Variants in CNBD1 observed in about 807,000 individuals in gnomAD.
CNBD1 encodes the protein cyclic nucleotide binding domain containing 1.
In CNBD1, 71 loss-of-function variants were observed where a neutral mutation model predicts 54.4. The ratio of observed to expected loss-of-function variants is 1.30; its 90% CI spans 1.08 to 1.59. The LOEUF is 1.59. Among genes scored for constraint, CNBD1 ranks in the 40% most tolerant of loss-of-function variants. CNBD1 has a pLI of 0.00. For missense variants in CNBD1, 659 were observed against 518.0 expected (o/e 1.27, Z -2.64); for synonymous variants, 182 against 170.7 (o/e 1.07, Z -0.51).
At chr8:86,949,383 C>A (rs1807548976) in intron 4 of CNBD1, among the ~76,000 whole-genome samples, 1 of 152,150 alleles carries the variant, frequency 6.6e-6, no homozygotes, top group African/African-American at 2.4e-5. Context: ...AATACATGAA[C>A]ATGGAATATC....
intron 10 of CNBD1, among the ~76,000 whole-genome samples, chr8:87,370,475 C>T (rs2130947241): frequency 6.6e-6 from 1 of 152,098 alleles, no homozygotes; most frequent in East Asian, 1.9e-4. Context: ...CTCTGATGGC[C>T]AGTGATGGTG....
intron 5 of CNBD1, among the ~76,000 whole-genome samples, chr8:87,217,810 A>G (rs1238731719): frequency 6.6e-6 from 1 of 152,076 alleles, no homozygotes; most frequent in African/African-American, 2.4e-5. Context: ...TCATCTGGTT[A>G]TCCAGGGATA....
intron 3 of CNBD1, among the ~76,000 whole-genome samples, chr8:86,907,158 A>G (rs1278662553): frequency 6.6e-6 from 1 of 152,184 alleles, no homozygotes; most frequent in Non-Finnish European, 1.5e-5. Flanking sequence ...GGAAGACCAC[A>G]TTCATTTATT....
chr8:86,972,721 G>A (rs2130493673), intron 4 of CNBD1, among the ~76,000 whole-genome samples: 1 of 152,258 alleles, frequency 6.6e-6, no homozygotes, highest in Non-Finnish European at 1.5e-5. Context: ...CTAGTTTCTG[G>A]TTGGATTTAA....
downstream of CNBD1, among the ~76,000 whole-genome samples, chr8:87,386,345 A>C (rs1811187445): frequency 6.6e-6 from 1 of 152,136 alleles, no homozygotes; most frequent in Non-Finnish European, 1.5e-5. Context: ...AACCCATGGC[A>C]AAGAAGTTAA....
intron 4 of CNBD1, among the ~76,000 whole-genome samples, chr8:87,051,598 G>A (rs1462313735): frequency 6.6e-6 from 1 of 152,212 alleles, no homozygotes; most frequent in Non-Finnish European, 1.5e-5. Flanking sequence ...TTCCTTATGG[G>A]AAACAAAGGG....
intron 4 of CNBD1, among the ~76,000 whole-genome samples, chr8:87,073,110 C>A (rs891260474): frequency 6.6e-6 from 1 of 151,702 alleles, no homozygotes; most frequent in Non-Finnish European, 1.5e-5. Flanking sequence ...TATTCTGCTA[C>A]TGATACTTGT....
intron 8 of CNBD1, among the ~76,000 whole-genome samples, chr8:87,311,061 C>T (rs957594883): frequency 2.0e-5 from 3 of 151,940 alleles, no homozygotes; most frequent in Admixed American, 2.0e-4. Flanking sequence ...ATGGCTAAAT[C>T]CTCAAAAGCA....
rs1407122710 is a variant in CNBD1, at chr8:86,933,667, A to C, written c.273-5929A>C. Among the ~76,000 whole-genome samples, 5 of 152,200 alleles carry C rather than the reference A, an allele frequency of 3.3e-5. No homozygotes were observed. In the South Asian group the frequency reaches 6.2e-4, roughly 19 times the overall value. On this transcript the variant is annotated intron_variant, in intron 3 of 10. Coordinates refer to ENST00000518476, the MANE Select transcript of CNBD1 (RefSeq NM_173538.3). Reference sequence around the variant, plus strand: ...ATGTCACCTAGAGAAATAGTTGTACAGTAGCTGGTAAGGTTCCATTTTTAA... The same window carrying C: ...ATGTCACCTAGAGAAATAGTTGTACCGTAGCTGGTAAGGTTCCATTTTTAA...
At chr8:87,157,577 G>A (rs1032383027) in intron 4 of CNBD1, among the ~76,000 whole-genome samples, 2 of 152,130 alleles carry the variant, frequency 1.3e-5, no homozygotes, top group African/African-American at 4.8e-5. Context: ...AAGCTTGGCA[G>A]ATATAAAAAA....
intron 2 of CNBD1, among the ~76,000 whole-genome samples, chr8:87,391,679 G>A (rs534658167): frequency 1.3e-5 from 2 of 152,126 alleles, no homozygotes; most frequent in Non-Finnish European, 2.9e-5. Context: ...CACAAAAATT[G>A]ACTCTAAATG....
chr8:87,050,019 A>G (rs1810279741), intron 4 of CNBD1, among the ~76,000 whole-genome samples: 1 of 152,090 alleles, frequency 6.6e-6, no homozygotes, highest in Non-Finnish European at 1.5e-5. Context: ...TGCCTTTCCT[A>G]TGGGAAGACT....
intron 3 of CNBD1, among the ~76,000 whole-genome samples, chr8:86,912,113 T>C (rs922640214): frequency 1.2e-4 from 18 of 152,212 alleles, no homozygotes; most frequent in Non-Finnish European, 2.5e-4. Flanking sequence ...GTTATAATTT[T>C]ATTTGACTTT....
intron 8 of CNBD1, among the ~76,000 whole-genome samples, chr8:87,316,631 G>A (rs138974695): frequency 1.3e-5 from 2 of 150,796 alleles, no homozygotes; most frequent in Admixed American, 6.6e-5. Flanking sequence ...CTTTTTTTTT[G>A]CAATAGGAAA....
intron 4 of CNBD1, among the ~76,000 whole-genome samples, chr8:87,067,448 A>G (rs1295091756): frequency 6.6e-6 from 1 of 151,968 alleles, no homozygotes; most frequent in African/African-American, 2.4e-5. Flanking sequence ...ATTATACGCA[A>G]GTATAACATT....
chr8:87,339,719 A>T (rs182666554), intron 8 of CNBD1, among the ~76,000 whole-genome samples: 6 of 152,138 alleles, frequency 3.9e-5, no homozygotes, highest in Admixed American at 3.9e-4. Flanking sequence ...TGGGGCTTAC[A>T]TAAAACACCT....
intron 4 of CNBD1, among the ~76,000 whole-genome samples, chr8:87,044,211 G>C (rs1810133687): frequency 2.0e-5 from 3 of 150,700 alleles, no homozygotes; most frequent in Non-Finnish European, 4.4e-5. Flanking sequence ...TGTTTTTGTG[G>C]GTTTTTTTTT....
chr8:87,186,722 T>C (rs1813483176), intron 4 of CNBD1, among the ~76,000 whole-genome samples: 1 of 152,046 alleles, frequency 6.6e-6, no homozygotes, highest in African/African-American at 2.4e-5. Flanking sequence ...TTTATTTAAA[T>C]AAAAATTCCC....
In CNBD1 at chr8:87,376,621, G is replaced by T. The variant is rs189490200; in HGVS notation, c.1304-5999G>T. Among the ~76,000 whole-genome samples the T allele has an allele frequency of 5.0e-3, 761 of 151,814 alleles. 1 individual carries two copies. The highest frequency in any genetic ancestry group is 8.7e-3 in the Non-Finnish European group (589 of 67,918). On this transcript the variant is annotated intron_variant, in intron 10 of 10. Transcript: ENST00000518476. ...ATGTATTCATAGAGTTCTATATTTG[G>T]GTACTTCCATAGAAATCTTTAATAG...
Sources: allele counts gnomAD v4.1 joint callset (sites outside exome capture counted in the v4.1 genomes callset), GRCh38; gene constraint gnomAD v4.1.1; transcripts MANE v1.5; gene names NCBI Gene and HGNC (gene_info 2026-07-23, HGNC 2026-07-21).